Variants in CSMD1 observed in about 807,000 individuals in gnomAD.
CSMD1 encodes CUB and sushi domain-containing protein 1.
A neutral mutation model predicts 417.5 loss-of-function variants in CSMD1; 213 were observed. That is an observed-to-expected ratio of 0.51 (90% CI 0.46 to 0.57). CSMD1 has a LOEUF of 0.57. Ranked by LOEUF, CSMD1 falls within the 20% of genes least tolerant of loss-of-function variation. The pLI is 0.00. For synonymous variants in CSMD1, 2,862 were observed against 1,736.8 expected, an observed-to-expected ratio of 1.65 and a Z score of -16.11; for missense variants, 6,923 against 4,529.7, an observed-to-expected ratio of 1.53 and a Z score of -15.17.
chr8:4,199,368 T>G (rs1161142931), intron 3 of CSMD1, among the ~76,000 whole-genome samples: 1 of 152,206 alleles, frequency 6.6e-6, no homozygotes, highest in African/African-American at 2.4e-5. Context: ...GATGCTTTAA[T>G]AAAGATGCAT....
intron 2 of CSMD1, among the ~76,000 whole-genome samples, chr8:4,448,084 T>C (rs1798922032): frequency 6.6e-6 from 1 of 152,338 alleles, no homozygotes; most frequent in South Asian, 2.1e-4. Flanking sequence ...CCAGTGGAAA[T>C]TCTGTTCCCT....
In CSMD1 at chr8:4,512,543, A is replaced by G. The variant is rs538497917; in HGVS notation, c.303-92478T>C. Among the ~76,000 whole-genome samples the G allele has an allele frequency of 6.7e-4, 102 of 151,692 alleles. 2 individuals are homozygous for G. The South Asian group carries it at 0.019, about 28-fold the overall frequency. On this transcript the variant is annotated intron_variant, in intron 2 of 69. Transcript: ENST00000635120. ...ATGTATAACATCCTAAATAATTGAG[A>G]AAAAAAATCACCTTCCTAGAACTAA...
intron 4 of CSMD1, among the ~76,000 whole-genome samples, chr8:4,004,857 G>A (rs963438517): frequency 1.3e-5 from 2 of 152,122 alleles, no homozygotes; most frequent in African/African-American, 2.4e-5. Flanking sequence ...CCATTCTCCT[G>A]CCTCAGCCTC....
intron 2 of CSMD1, among the ~76,000 whole-genome samples, chr8:4,459,291 G>C (rs994576578): frequency 1.3e-5 from 2 of 152,324 alleles, no homozygotes; most frequent in Middle Eastern, 3.4e-3. Flanking sequence ...TTGTGCACCA[G>C]ATGGCATATA....
intron 3 of CSMD1, among the ~76,000 whole-genome samples, chr8:4,097,051 C>A (rs972925835): frequency 6.6e-6 from 1 of 152,120 alleles, no homozygotes; most frequent in Non-Finnish European, 1.5e-5. Context: ...ACTGATGCCT[C>A]ATTCATAAAT....
chr8:2,997,168 G>C (rs1366541554), intron 54 of CSMD1, among the ~76,000 whole-genome samples: 1 of 152,264 alleles, frequency 6.6e-6, no homozygotes, highest in Non-Finnish European at 1.5e-5. Flanking sequence ...GATCCTGACA[G>C]TGACTAGTAT....
chr8:4,446,053 G>C (rs1250912922), intron 2 of CSMD1, among the ~76,000 whole-genome samples: 1 of 152,190 alleles, frequency 6.6e-6, no homozygotes, highest in African/African-American at 2.4e-5. Flanking sequence ...CCAAGAAGAG[G>C]AGACGAGGCT....
At chr8:2,989,731 A>C (rs771126546) in intron 54 of CSMD1, among the ~76,000 whole-genome samples, 1 of 152,206 alleles carries the variant, frequency 6.6e-6, no homozygotes, top group Non-Finnish European at 1.5e-5. Flanking sequence ...AAATTAGAAG[A>C]AAGTGGAACC....
At chr8:4,713,091 CA>C (rs1360222876) in intron 1 of CSMD1, among the ~76,000 whole-genome samples, 2 of 152,320 alleles carry the variant, frequency 1.3e-5, no homozygotes, top group East Asian at 3.9e-4. Flanking sequence ...CTCAAATCCC[CA>C]CCATTAAAGT....
intron 5 of CSMD1, among the ~76,000 whole-genome samples, chr8:3,869,197 T>G (rs1019652021): frequency 6.6e-6 from 1 of 152,156 alleles, no homozygotes; most frequent in Non-Finnish European, 1.5e-5. Context: ...GCTTCTGCAC[T>G]AGGCCCTCCA....
At chr8:4,598,031 T>C (rs1800377309) in intron 2 of CSMD1, among the ~76,000 whole-genome samples, 1 of 151,890 alleles carries the variant, frequency 6.6e-6, no homozygotes, top group African/African-American at 2.4e-5. Context: ...TTAGAACATT[T>C]ATCAATATTC....
chr8:3,184,173 T>C (rs1359731351), intron 36 of CSMD1, among the ~76,000 whole-genome samples: 1 of 152,204 alleles, frequency 6.6e-6, no homozygotes. Flanking sequence ...CTCTGTATCA[T>C]AGGCCTGGGA....
chr8:4,082,560 AC>A (rs1330425421), intron 3 of CSMD1, among the ~76,000 whole-genome samples: 8 of 152,004 alleles, frequency 5.3e-5, no homozygotes, highest in Admixed American at 2.0e-4. Context: ...AAAATTACAG[AC>A]CCCGCTTCAT....
At chr8:3,360,952 T>A (rs1809123163) in intron 20 of CSMD1, among the ~76,000 whole-genome samples, 1 of 152,100 alleles carries the variant, frequency 6.6e-6, no homozygotes, top group African/African-American at 2.4e-5. Context: ...ACTCTGTACC[T>A]AAACACTTCC....
intron 5 of CSMD1, among the ~76,000 whole-genome samples, chr8:3,989,856 T>A (rs938135685): frequency 6.6e-6 from 1 of 152,144 alleles, no homozygotes; most frequent in Non-Finnish European, 1.5e-5. Flanking sequence ...TGGAGGAGTA[T>A]AGGATTGCAC....
chr8:4,314,042 T>C (rs1798780876), intron 3 of CSMD1, among the ~76,000 whole-genome samples: 1 of 151,022 alleles, frequency 6.6e-6, no homozygotes, highest in African/African-American at 2.4e-5. Context: ...ATAATGATAA[T>C]AATAATAATA....
At chr8:3,362,403 G>C (rs538943170) in intron 20 of CSMD1, among the ~76,000 whole-genome samples, 30 of 152,154 alleles carry the variant, frequency 2.0e-4, no homozygotes, top group African/African-American at 7.0e-4. Flanking sequence ...CAATTCTTAG[G>C]CTTCCTCTTA....
intron 1 of CSMD1, among the ~76,000 whole-genome samples, chr8:4,774,482 T>C (rs974138709): frequency 6.6e-6 from 1 of 152,180 alleles, no homozygotes. Context: ...ATATGCTTGA[T>C]ATTTTTTTAC....
chr8:4,994,635 G>A lies in CSMD1; in HGVS notation c.-219C>T. 1 of 462,080 alleles carries A rather than the reference G, an allele frequency of 2.2e-6. No individual in the cohort carries two copies. The highest frequency in any genetic ancestry group is 3.7e-5 in the East Asian group (1 of 27,296). 28.6% of individuals were successfully genotyped at this position (462,080 alleles called of 1,614,324 possible). On this transcript the variant is annotated 5_prime_UTR_variant, in exon 1 of 70. Coordinates refer to ENST00000635120, the MANE Select transcript of CSMD1 (RefSeq NM_033225.6). ...AGCCACTGCAGGGCTGAGCTGCTCC[G>A]AGCGCGGAGACCCGGGCTGGCGGGG...
Sources: allele counts gnomAD v4.1 joint callset (sites outside exome capture counted in the v4.1 genomes callset), GRCh38; gene constraint gnomAD v4.1.1; transcripts MANE v1.5; gene names NCBI Gene and HGNC (gene_info 2026-07-23, HGNC 2026-07-21).